The following TTC7A variants were observed in gnomAD, a reference collection of about 807,000 sequenced individuals.
TTC7A encodes tetratricopeptide repeat protein 7A.
TTC7A carries 110 observed loss-of-function variants against 103.7 expected under a neutral mutation model. The ratio of observed to expected loss-of-function variants is 1.06; its 90% confidence interval spans 0.91 to 1.24. The LOEUF (loss-of-function observed/expected upper bound fraction) is 1.24, where lower values mean the gene tolerates loss of function less well. TTC7A is among the 50% of genes most tolerant of loss of function. The pLI is 0.00. For synonymous variants in TTC7A, 521 were observed against 467.9 expected (o/e 1.11, Z -1.47); for missense variants, 1,340 against 1,116.3 (o/e 1.20, Z -2.86).
At chr2:46,924,185 C>T (rs1165332342) in intron 2 of TTC7A, among the ~76,000 whole-genome samples, 1 of 143,468 alleles carries the variant, frequency 7.0e-6, no homozygotes, top group African/African-American at 2.6e-5. Context: ...GTCTGGGTGA[C>T]AGAATGAGAT....
intron 3 of TTC7A, chr2:46,958,693 C>G: frequency 2.1e-6 from 1 of 484,958 alleles, no homozygotes; most frequent in South Asian, 1.9e-5. Context: ...AGTGACCACG[C>G]CTGCTGCCCG....
At chr2:47,037,078 A>G (rs780764487) in intron 15 of TTC7A, among the ~76,000 whole-genome samples, 2 of 152,140 alleles carry the variant, frequency 1.3e-5, no homozygotes, top group Non-Finnish European at 2.9e-5. Context: ...CTCTCCCACT[A>G]TAGGCCTTTG....
chr2:47,044,728 A>G (rs1279335776), intron 15 of TTC7A, among the ~76,000 whole-genome samples: 1 of 152,260 alleles, frequency 6.6e-6, no homozygotes, highest in African/African-American at 2.4e-5. Context: ...TTGGGGATGC[A>G]GTGAGGAAGA....
chr2:47,008,104 TC>T (rs1276302098), intron 10 of TTC7A, among the ~76,000 whole-genome samples: 1 of 152,156 alleles, frequency 6.6e-6, no homozygotes. Flanking sequence ...GGCTGGATCT[TC>T]CATGGAGCCT....
At chr2:47,043,883 C>G (rs1682030745) in intron 15 of TTC7A, among the ~76,000 whole-genome samples, 4 of 152,194 alleles carry the variant, frequency 2.6e-5, no homozygotes, top group Admixed American at 2.6e-4. Flanking sequence ...CACTTCTTTG[C>G]CAGGCACATG....
Position 47,051,766 on chromosome 2 carries a change from A to T in TTC7A, c.2038A>T (p.Ile680Phe), listed in dbSNP as rs1332051582. The T allele has an allele frequency of 1.2e-6, 2 of 1,610,528 alleles. No individual in the cohort carries two copies. Among genetic ancestry groups the T allele is most frequent in the African/African-American group, 2.7e-5 (2 of 74,854 alleles). Reference protein sequence around the residue: ...ADSGSRRASSIAASRLEEAMS... With the variant: ...ADSGSRRASSFAASRLEEAMS... ...TGCAGGCTCCCGGCGGGCTTCGTCCATCGCCGCCTCCCGGCTGGAGGAGGC... is the reference window on the plus strand; with the variant it reads ...TGCAGGCTCCCGGCGGGCTTCGTCCTTCGCCGCCTCCCGGCTGGAGGAGGC... The change falls in exon 18 of 20, where the codon ATC becomes TTC. Residue 680 changes from isoleucine to phenylalanine, a missense_variant. By Grantham distance (21) the Ile-to-Phe change is conservative. Transcript: ENST00000319190.
chr2:46,978,832 A>T lies in TTC7A; in HGVS notation c.689A>T (p.His230Leu). 6.2e-7 allele frequency: 1 copy of T among 1,614,008 alleles called. No homozygotes were observed. The highest frequency in any genetic ancestry group is 8.5e-7 in the Non-Finnish European group (1 of 1,179,974). Residue 230 changes from histidine (H) to leucine (L), a missense_variant, in exon 5 of 20, where the codon CAC becomes CTC. Coordinates refer to ENST00000319190, the MANE Select transcript of TTC7A (RefSeq NM_020458.4). ...NSTSRHLKGC[H>L]PLDYELTYFL... Reference sequence around the variant, plus strand: ...ACGTCGAGGCATCTGAAAGGCTGTCACCCGCTTGACTATGAGCTCACCTAC... The same window carrying T: ...ACGTCGAGGCATCTGAAAGGCTGTCTCCCGCTTGACTATGAGCTCACCTAC...
At chr2:46,967,667 G>T (rs1672979572) in intron 3 of TTC7A, among the ~76,000 whole-genome samples, 1 of 152,084 alleles carries the variant, frequency 6.6e-6, no homozygotes, top group African/African-American at 2.4e-5. Flanking sequence ...TCTGTCAATG[G>T]ACACTTGGGT....
chr2:46,926,622 C>A lies in TTC7A; in HGVS notation c.82+9345C>A, dbSNP rs191552826. ...GTGATTTCAGATTGGTAGAGCCCCC[C>A]CAGGTGCCTAGAAAAAGCAACTGGA... On this transcript the variant is annotated intron_variant, in intron 2 of 20. Coordinates refer to the TTC7A transcript ENST00000409245. Among the ~76,000 whole-genome samples, 3 of 152,316 alleles carry A rather than the reference C, an allele frequency of 2.0e-5. No homozygotes were observed. The East Asian group carries it at 5.8e-4, about 29-fold the overall frequency.
chr2:47,029,137 G>A, intron 14 of TTC7A, 87 bp from the exon 15 acceptor site: 1 of 1,497,584 alleles, frequency 6.7e-7, no homozygotes, highest in Non-Finnish European at 9.1e-7. Flanking sequence ...AGTTGAGTGT[G>A]AGTGCCCTTG....
chr2:46,934,783 T>C (rs1669881717), intron 2 of TTC7A, among the ~76,000 whole-genome samples: 2 of 126,616 alleles, frequency 1.6e-5, no homozygotes, highest in South Asian at 5.6e-4. Flanking sequence ...TGAAGACTAC[T>C]GCTCTTTTTT....
At chr2:46,969,638 T>C (rs1673179142) in intron 3 of TTC7A, among the ~76,000 whole-genome samples, 1 of 151,918 alleles carries the variant, frequency 6.6e-6, no homozygotes, top group Admixed American at 6.5e-5. Flanking sequence ...ATGGTCTCAA[T>C]CTGACCTCGT....
chr2:47,028,880 G>T (rs1414738142), intron 14 of TTC7A, among the ~76,000 whole-genome samples: 3 of 152,092 alleles, frequency 2.0e-5, no homozygotes, highest in African/African-American at 7.2e-5. Flanking sequence ...CTCCTGGAAG[G>T]CAGGGTCTCC....
At chr2:47,047,182 T>C (rs1682411212) in intron 16 of TTC7A, 1 of 772,770 alleles carries the variant, frequency 1.3e-6, no homozygotes, top group Non-Finnish European at 2.2e-6. Context: ...CCTGATCCTC[T>C]TGTCCTTCTT....
At chr2:46,989,062 G>C (rs1320675203) in intron 5 of TTC7A, among the ~76,000 whole-genome samples, 1 of 152,208 alleles carries the variant, frequency 6.6e-6, no homozygotes, top group Non-Finnish European at 1.5e-5. Context: ...GGTAAAGGAA[G>C]GGCTCCGCGA....
At chr2:47,013,911 A>G (rs1210358887) in intron 11 of TTC7A, among the ~76,000 whole-genome samples, 1 of 152,160 alleles carries the variant, frequency 6.6e-6, no homozygotes, top group African/African-American at 2.4e-5. Context: ...CACAGGCCAG[A>G]GTGATGTCCC....
chr2:47,074,269 T>G lies in TTC7A; in HGVS notation c.*346T>G. The G allele has an allele frequency of 3.0e-6, 1 of 338,472 alleles. No individual in the cohort carries two copies. The highest frequency in any genetic ancestry group is 5.6e-6 in the Non-Finnish European group (1 of 178,826). 21.0% of individuals were successfully genotyped at this position (338,472 alleles called of 1,614,324 possible). ...TGGAGTCTGGGTGGGGGGTTCTCAC[T>G]CCCCACTCTCAGCACAGTACAGACT... is the stretch of plus-strand genomic sequence containing the variant. On this transcript the variant is annotated 3_prime_UTR_variant, in exon 20 of 20. Transcript: ENST00000319190.
chr2:46,995,210 G>A lies in TTC7A; in HGVS notation c.1065+11G>A. ...ATCAGCGAATCCATGGTAAGCTCCAGGATGTCCTTCAGGGGCCTCTGGCCC... is the reference window on the plus strand; with the variant it reads ...ATCAGCGAATCCATGGTAAGCTCCAAGATGTCCTTCAGGGGCCTCTGGCCC... On this transcript the variant is annotated intron_variant, in intron 8 of 19. Coordinates refer to ENST00000319190, the MANE Select transcript of TTC7A (RefSeq NM_020458.4). 1 of 1,613,866 alleles carries A rather than the reference G, an allele frequency of 6.2e-7. No individual in the cohort carries two copies. The highest frequency in any genetic ancestry group is 8.5e-7 in the Non-Finnish European group (1 of 1,179,878).
upstream of TTC7A, among the ~76,000 whole-genome samples, chr2:46,940,820 G>C (rs1000053501): frequency 6.6e-6 from 1 of 152,114 alleles, no homozygotes; most frequent in Non-Finnish European, 1.5e-5. The surrounding 1 kb of genome is among the most constrained non-coding windows in gnomAD (Gnocchi z 4.7). Flanking sequence ...GCCAGCTCCC[G>C]GGAGGCTCGC....
Sources: allele counts gnomAD v4.1 joint callset (sites outside exome capture counted in the v4.1 genomes callset), GRCh38; gene constraint gnomAD v4.1.1; non-coding constraint Gnocchi (gnomAD v3.1); transcripts MANE v1.5; gene names NCBI Gene and HGNC (gene_info 2026-07-23, HGNC 2026-07-21).